The following PTPRG variants were observed in gnomAD, a reference collection of about 807,000 sequenced individuals.
The protein encoded by PTPRG is receptor-type tyrosine-protein phosphatase gamma.
A neutral mutation model predicts 165.3 loss-of-function variants in PTPRG; 102 were observed. The observed-to-expected ratio is 0.62, with a 90% CI of 0.53 to 0.73. The LOEUF (loss-of-function observed/expected upper bound fraction) is 0.73. Among genes scored for constraint, PTPRG ranks in the 30% least tolerant of loss-of-function variants. PTPRG has a pLI of 0.00. For synonymous variants in PTPRG, 675 were observed against 669.5 expected, an observed-to-expected ratio of 1.01 and a Z score of -0.13; for missense variants, 1,866 against 1,861.4, an observed-to-expected ratio of 1.00 and a Z score of -0.05.
chr3:61,846,923 G>T (rs2036822882), intron 2 of PTPRG, among the ~76,000 whole-genome samples: 1 of 107,936 alleles, frequency 9.3e-6, no homozygotes, highest in African/African-American at 3.6e-5. Flanking sequence ...TCAAAAAATA[G>T]AGAGAGAGGG....
At chr3:61,887,144 A>ATATATATATATTTT (rs2038066213) in intron 2 of PTPRG, among the ~76,000 whole-genome samples, 1 of 55,954 alleles carries the variant, frequency 1.8e-5, no homozygotes, top group Non-Finnish European at 5.9e-5. Context: ...ATATATATAT[A>ATATATATATATTTT]TATATATATA....
At position 61,624,824 on chromosome 3, in the gene PTPRG, G is replaced by A. The variant is rs1339168071; in HGVS notation, c.85+62452G>A. 2.0e-5 allele frequency among the ~76,000 whole-genome samples: 3 copies of A among 152,202 alleles called. No homozygotes were observed. In the East Asian group the frequency reaches 5.8e-4, roughly 29 times the overall value. On this transcript the variant is annotated intron_variant, in intron 1 of 29. Transcript: ENST00000474889. ...ATGACTGTTACCATTATCAAATATA[G>A]GGATGTGTATTTATTTGCTAGGGTT... is the stretch of plus-strand genomic sequence containing the variant.
chr3:62,246,912 A>C (rs913517976), intron 15 of PTPRG, among the ~76,000 whole-genome samples: 1 of 152,108 alleles, frequency 6.6e-6, no homozygotes, highest in African/African-American at 2.4e-5. Flanking sequence ...TTTGCAGACA[A>C]CAGACATAAC....
At chr3:61,900,267 C>T (rs754198237) in intron 2 of PTPRG, among the ~76,000 whole-genome samples, 11 of 151,964 alleles carry the variant, frequency 7.2e-5, no homozygotes, top group East Asian at 1.9e-4. Context: ...CCACATTTTC[C>T]GGTTTGTTTT....
In PTPRG at chr3:61,749,014, A is replaced by T. The variant is rs747510150; in HGVS notation, c.190+32A>T. 1.2e-5 allele frequency: 18 copies of T among 1,542,560 alleles called. No individual in the cohort carries two copies. The Admixed American group carries it at 3.0e-4, about 26-fold the overall frequency. On this transcript the variant is annotated intron_variant, in intron 2 of 29. Coordinates refer to ENST00000474889, the MANE Select transcript of PTPRG (RefSeq NM_002841.4). ...CCAGTTGTTCTAATGGAGATCACACAGGCCAGTTAACATCCCATTCAACTC... is the reference window on the plus strand; with the variant it reads ...CCAGTTGTTCTAATGGAGATCACACTGGCCAGTTAACATCCCATTCAACTC...
At position 62,203,078 on chromosome 3, in the gene PTPRG, A is replaced by T. The variant is rs1576129022; in HGVS notation, c.1378-95A>T. On this transcript the variant is annotated intron_variant, in intron 11 of 29. Transcript: ENST00000474889. The surrounding 1 kb of genome is among the most constrained non-coding windows in gnomAD (Gnocchi z 6.4). ...AGATGAGTAAAATCCTCAGAGGGTG[A>T]CAACCAGGGCCTCATTCCCAATCTC... The T allele has an allele frequency of 3.3e-6, 5 of 1,506,178 alleles. No homozygotes were observed. The East Asian group carries it at 1.1e-4, about 34-fold the overall frequency. The allele number at this position is 1,506,178 out of a possible 1,614,324, so 93.3% of individuals were successfully genotyped here.
At chr3:62,030,828 A>C (rs1419480300) in intron 4 of PTPRG, among the ~76,000 whole-genome samples, 1 of 152,226 alleles carries the variant, frequency 6.6e-6, no homozygotes, top group Non-Finnish European at 1.5e-5. Context: ...ATTTGGGATG[A>C]AGGCTGATTT....
At chr3:61,860,873 G>GGTGTA (rs1388775087) in intron 2 of PTPRG, among the ~76,000 whole-genome samples, 1 of 152,052 alleles carries the variant, frequency 6.6e-6, no homozygotes, top group African/African-American at 2.4e-5. Flanking sequence ...TTTTATCACT[G>GGTGTA]GTGTAGATTC....
At chr3:62,124,200 T>C in intron 5 of PTPRG, 1 of 876,050 alleles carries the variant, frequency 1.1e-6, no homozygotes. Context: ...GAAGTCATGA[T>C]TATTCAGCCA....
intron 5 of PTPRG, among the ~76,000 whole-genome samples, chr3:62,085,386 C>G (rs1701719451): frequency 6.6e-6 from 1 of 152,104 alleles, no homozygotes; most frequent in African/African-American, 2.4e-5. Context: ...TCCATTGGAT[C>G]AAACATGTTA....
chr3:61,881,398 G>A (rs2037885324), intron 2 of PTPRG, among the ~76,000 whole-genome samples: 1 of 152,148 alleles, frequency 6.6e-6, no homozygotes, highest in South Asian at 2.1e-4. Context: ...CAGCCTCCCA[G>A]GTAGAATCCC....
At chr3:61,908,481 G>A (rs1480254023) in intron 2 of PTPRG, among the ~76,000 whole-genome samples, 1 of 151,646 alleles carries the variant, frequency 6.6e-6, no homozygotes, top group Non-Finnish European at 1.5e-5. Context: ...TATATTGGGA[G>A]GTCATTGGCT....
At chr3:61,680,462 C>T (rs1206944280) in intron 1 of PTPRG, among the ~76,000 whole-genome samples, 2 of 138,304 alleles carry the variant, frequency 1.4e-5, no homozygotes, top group African/African-American at 2.7e-5. Flanking sequence ...GAAACATCAG[C>T]GTTTTGAGGT....
rs1434705295 is a variant in PTPRG, at chr3:61,844,678, G to T, written c.190+95696G>T. Among the ~76,000 whole-genome samples the T allele has an allele frequency of 4.1e-5, 6 of 147,754 alleles. No homozygotes were observed. In the East Asian group the frequency reaches 9.8e-4, roughly 24 times the overall value. ...TCTGGCTTTTTTTTTTTTTCCCCCT[G>T]TTTGGTAGAGATGCGTATCTTGCTA... On this transcript the variant is annotated intron_variant, in intron 2 of 29. Coordinates refer to ENST00000474889, the MANE Select transcript of PTPRG (RefSeq NM_002841.4).
intron 2 of PTPRG, among the ~76,000 whole-genome samples, chr3:61,974,387 C>G (rs1262180243): frequency 6.6e-6 from 1 of 151,776 alleles, no homozygotes; most frequent in Non-Finnish European, 1.5e-5. Flanking sequence ...AACCCCATCT[C>G]TAAAAAAATA....
At chr3:62,120,231 G>C (rs1487126518) in intron 5 of PTPRG, among the ~76,000 whole-genome samples, 2 of 152,100 alleles carry the variant, frequency 1.3e-5, no homozygotes, top group Non-Finnish European at 2.9e-5. Context: ...TCAGGCTTCT[G>C]GAAGTGGTTT....
chr3:61,755,319 C>T (rs535971380), intron 2 of PTPRG, among the ~76,000 whole-genome samples: 1 of 152,242 alleles, frequency 6.6e-6, no homozygotes, highest in East Asian at 1.9e-4. Flanking sequence ...TAATAGAGAC[C>T]TTCTGATCGG....
At chr3:61,648,544 G>A (rs1702266593) in intron 1 of PTPRG, among the ~76,000 whole-genome samples, 1 of 152,218 alleles carries the variant, frequency 6.6e-6, no homozygotes, top group African/African-American at 2.4e-5. Context: ...TGAGACAAAG[G>A]CATTTCATTT....
chr3:62,086,259 C>T (rs1050983676), intron 5 of PTPRG, among the ~76,000 whole-genome samples: 2 of 149,624 alleles, frequency 1.3e-5, no homozygotes, highest in Admixed American at 6.7e-5. Flanking sequence ...AATAAATTTT[C>T]TATCGTGTTA....
Sources: allele counts gnomAD v4.1 joint callset (sites outside exome capture counted in the v4.1 genomes callset), GRCh38; gene constraint gnomAD v4.1.1; non-coding constraint Gnocchi (gnomAD v3.1); transcripts MANE v1.5; gene names NCBI Gene and HGNC (gene_info 2026-07-23, HGNC 2026-07-21).